Variants in HHIP observed in about 807,000 individuals in gnomAD.
The protein encoded by HHIP is hedgehog-interacting protein.
HHIP carries 12 observed loss-of-function variants against 74.0 expected under a neutral mutation model. That is an observed-to-expected ratio of 0.16 (90% CI 0.10 to 0.26). The LOEUF (loss-of-function observed/expected upper bound fraction) is 0.26. Among genes scored for constraint, HHIP ranks in the 10% least tolerant of loss-of-function variants. The probability of loss-of-function intolerance (pLI) is 1.00; values close to 1 mark genes in which losing one functional copy is unlikely to be tolerated. For missense variants in HHIP, 788 were observed against 845.0 expected, an observed-to-expected ratio of 0.93 and a Z score of 0.84; for synonymous variants, 309 against 311.6, an observed-to-expected ratio of 0.99 and a Z score of 0.09.
At chr4:144,665,062 A>AT (rs1001063890) in intron 4 of HHIP, among the ~76,000 whole-genome samples, 8 of 152,090 alleles carry the variant, frequency 5.3e-5, no homozygotes, top group Non-Finnish European at 1.0e-4. Context: ...AGATGTTTTT[A>AT]TTTTTTTGTG....
intron 4 of HHIP, among the ~76,000 whole-genome samples, chr4:144,669,052 C>T (rs1728960565): frequency 6.6e-6 from 1 of 150,958 alleles, no homozygotes. Context: ...TAAGTATGTA[C>T]AACAAATATG....
intron 1 of HHIP, chr4:144,650,476 A>T (rs562146401): frequency 3.3e-5 from 5 of 152,270 alleles, no homozygotes; most frequent in Admixed American, 3.3e-4. Context: ...AAATAAAGTT[A>T]AGGACCTATA....
At chr4:144,728,154 C>A (rs540190975) in intron 11 of HHIP, among the ~76,000 whole-genome samples, 2 of 152,262 alleles carry the variant, frequency 1.3e-5, no homozygotes, top group African/African-American at 4.8e-5. Flanking sequence ...GACAGTCAAA[C>A]CTGTGGCTCG....
chr4:144,667,032 T>C (rs1728883703), intron 4 of HHIP, among the ~76,000 whole-genome samples: 1 of 152,196 alleles, frequency 6.6e-6, no homozygotes, highest in Non-Finnish European at 1.5e-5. Context: ...TGACCACTGC[T>C]AGCAATACAC....
intron 4 of HHIP, among the ~76,000 whole-genome samples, chr4:144,698,533 T>C (rs76729433): frequency 2.5e-4 from 38 of 152,274 alleles, no homozygotes; most frequent in African/African-American, 8.4e-4. Flanking sequence ...TCCCCATTGT[T>C]AAGCTATTCA....
intron 11 of HHIP, among the ~76,000 whole-genome samples, chr4:144,729,030 G>A (rs547011747): frequency 1.3e-5 from 2 of 152,260 alleles, no homozygotes; most frequent in African/African-American, 4.8e-5. Flanking sequence ...TGAGCAGCCA[G>A]ATTAAAGACA....
intron 4 of HHIP, among the ~76,000 whole-genome samples, chr4:144,662,726 G>A (rs547909160): frequency 1.3e-4 from 20 of 152,154 alleles, no homozygotes; most frequent in Admixed American, 8.5e-4. Context: ...CACATGCAGC[G>A]TTGTTATTGT....
chr4:144,688,678 A>G (rs2126631350), intron 4 of HHIP, among the ~76,000 whole-genome samples: 1 of 152,348 alleles, frequency 6.6e-6, no homozygotes. Context: ...ATGTCAAAGA[A>G]ACTATGTAAA....
chr4:144,736,433 C>A (rs1731123684), intron 12 of HHIP, among the ~76,000 whole-genome samples: 2 of 152,114 alleles, frequency 1.3e-5, no homozygotes, highest in Non-Finnish European at 2.9e-5. Flanking sequence ...CCATGCCCAG[C>A]CTCTCTGCAT....
intron 4 of HHIP, among the ~76,000 whole-genome samples, chr4:144,690,955 A>T (rs1276144476): frequency 6.6e-6 from 1 of 152,202 alleles, no homozygotes; most frequent in Non-Finnish European, 1.5e-5. Flanking sequence ...TCTGTGTTTT[A>T]ACCAGCTCAG....
intron 2 of HHIP, among the ~76,000 whole-genome samples, chr4:144,655,544 C>T (rs1728536413): frequency 6.6e-6 from 1 of 152,094 alleles, no homozygotes; most frequent in African/African-American, 2.4e-5. Context: ...TGGTATAATC[C>T]TATTGCTAAG....
At chr4:144,690,628 A>G (rs1251440525) in intron 4 of HHIP, among the ~76,000 whole-genome samples, 2 of 152,234 alleles carry the variant, frequency 1.3e-5, no homozygotes, top group Non-Finnish European at 2.9e-5. Flanking sequence ...GACAGAGCGG[A>G]GACTGGAAAG....
At chr4:144,725,690 CAG>C (rs1392751926) in intron 11 of HHIP, among the ~76,000 whole-genome samples, 3 of 151,468 alleles carry the variant, frequency 2.0e-5, no homozygotes, top group Non-Finnish European at 4.4e-5. Flanking sequence ...GTGTTTGAGA[CAG>C]AGTTTTGTTC....
At chr4:144,660,973 GATATTA>G (rs1323930243) in intron 4 of HHIP, among the ~76,000 whole-genome samples, 9 of 152,146 alleles carry the variant, frequency 5.9e-5, no homozygotes, top group African/African-American at 1.2e-4. Flanking sequence ...TGAGAGAACT[GATATTA>G]ATATTAACAA....
intron 4 of HHIP, among the ~76,000 whole-genome samples, chr4:144,674,573 C>T (rs1377050510): frequency 1.3e-5 from 2 of 151,800 alleles, no homozygotes; most frequent in Non-Finnish European, 2.9e-5. Flanking sequence ...TATTAGACTG[C>T]GTTCTCTATT....
rs953784717 is a variant in HHIP at position 144,738,811 on chromosome 4, G to C, written c.*854G>C. The stretch of plus-strand genomic sequence containing the variant: ...AATTGGAAAGAAGGGGAGTGAGAAA[G>C]CAAACAGTCTTTAATGTGCTGTGGA... On this transcript the variant is annotated 3_prime_UTR_variant, in exon 13 of 13. Coordinates refer to ENST00000296575, the MANE Select transcript of HHIP (RefSeq NM_022475.3). 2.0e-5 allele frequency: 8 copies of C among 403,058 alleles called. No homozygotes were observed. The South Asian group carries it at 5.2e-4, about 26-fold the overall frequency. The allele number at this position is 403,058 out of a possible 1,614,324, so 25.0% of individuals were successfully genotyped here.
intron 2 of HHIP, among the ~76,000 whole-genome samples, chr4:144,655,625 G>A (rs2126582492): frequency 6.6e-6 from 1 of 152,220 alleles, no homozygotes; most frequent in Non-Finnish European, 1.5e-5. Flanking sequence ...CGGCCAGTTA[G>A]CTTACACATG....
chr4:144,679,851 A>G (rs1397365798), intron 4 of HHIP, among the ~76,000 whole-genome samples: 1 of 152,198 alleles, frequency 6.6e-6, no homozygotes, highest in Non-Finnish European at 1.5e-5. Context: ...TCATGAGTCT[A>G]TTAGTGTGCC....
chr4:144,740,599 C>G lies in HHIP; in HGVS notation c.*2642C>G, dbSNP rs896344231. 1 of 152,080 alleles carries G rather than the reference C, an allele frequency of 6.6e-6. No individual in the cohort carries two copies. The allele number at this position is 152,080 out of a possible 1,614,324, so 9.4% of individuals were successfully genotyped here. ...GGTCAATTCAAAAATTCTCTTTGAC[C>G]TTTTCTTTCAAGTAGATTTTTTTAA... On this transcript the variant is annotated 3_prime_UTR_variant, in exon 13 of 13. Coordinates refer to ENST00000296575, the MANE Select transcript of HHIP (RefSeq NM_022475.3).
Sources: gnomAD v4.1 joint callset for allele counts (sites outside exome capture counted in the v4.1 genomes callset) on GRCh38, gnomAD v4.1.1 for gene constraint, MANE v1.5 for transcripts, NCBI Gene and HGNC (gene_info 2026-07-23, HGNC 2026-07-21) for gene names.